The following ENTPD4 variants were observed in gnomAD, a reference collection of about 807,000 sequenced individuals.
ENTPD4 encodes the protein Golgi UDPase.
Under a neutral mutation model 79.1 loss-of-function variants are expected in ENTPD4, and 60 were observed. The ratio of observed to expected loss-of-function variants is 0.76; its 90% confidence interval spans 0.62 to 0.94. The LOEUF is 0.94. ENTPD4 is among the 40% of genes least tolerant of loss of function. The probability of loss-of-function intolerance (pLI) is 0.00; values close to 1 mark genes in which losing one functional copy is unlikely to be tolerated. For synonymous variants in ENTPD4, 276 were observed against 292.0 expected (o/e 0.95, Z 0.56); for missense variants, 772 against 775.1 (o/e 1.00, Z 0.05).
chr8:23,452,043 C>T (rs1009425306), intron 1 of ENTPD4, among the ~76,000 whole-genome samples: 80 of 152,242 alleles, frequency 5.3e-4, no homozygotes, highest in African/African-American at 1.9e-3. Context: ...TATCACAACA[C>T]TTTATGGATG....
intron 11 of ENTPD4, 53 bp from the exon 12 acceptor site, chr8:23,434,531 G>GCACA (rs139348326): frequency 3.1e-4 from 451 of 1,476,822 alleles, no homozygotes; most frequent in African/African-American, 2.2e-3. Flanking sequence ...TGTCAAGATG[G>GCACA]CACACACACA....
rs754872676 is a variant in ENTPD4, at chr8:23,441,565, T to C, written c.882+4A>G. On this transcript the variant is annotated splice_donor_region_variant and intron_variant, in intron 8 of 12. Transcript: ENST00000358689. ...AACAGAAGGAAATTTGTACAGATAATGACCTGCTGTGAGGACGCAAAGCTT... is the reference window on the plus strand; with the variant it reads ...AACAGAAGGAAATTTGTACAGATAACGACCTGCTGTGAGGACGCAAAGCTT... The C allele has an allele frequency of 2.5e-6, 4 of 1,613,382 alleles. No individual in the cohort carries two copies. Among genetic ancestry groups the C allele is most frequent in the Middle Eastern group, 1.6e-4 (1 of 6,082 alleles).
intron 10 of ENTPD4, among the ~76,000 whole-genome samples, chr8:23,436,136 G>C (rs555682597): frequency 1.3e-5 from 2 of 152,320 alleles, no homozygotes; most frequent in South Asian, 4.1e-4. Flanking sequence ...CAGGAACATG[G>C]ACATGGACAC....
intron 1 of ENTPD4, among the ~76,000 whole-genome samples, chr8:23,455,148 C>T (rs182827088): frequency 1.3e-5 from 2 of 152,116 alleles, no homozygotes; most frequent in East Asian, 3.8e-4. Context: ...CTACAGATAA[C>T]GACGAAAACA....
At position 23,430,371 on chromosome 8, in the gene ENTPD4, A is replaced by C; in HGVS notation, c.*2555T>G. ...TCCGAAGTGAAATTCTGGTGCAACA[A>C]ATATTTTAAGATTGAAGTTTGGTTA... On this transcript the variant is annotated 3_prime_UTR_variant, in exon 13 of 13. Coordinates refer to ENST00000358689, the MANE Select transcript of ENTPD4 (RefSeq NM_004901.5). 1 of 985,334 alleles carries C rather than the reference A, an allele frequency of 1.0e-6. No individual in the cohort carries two copies. Among genetic ancestry groups the C allele is most frequent in the Non-Finnish European group, 1.2e-6 (1 of 829,942 alleles). The allele number at this position is 985,334 out of a possible 1,614,324, so 61.0% of individuals were successfully genotyped here.
Position 23,432,725 on chromosome 8 carries a change from C to G in ENTPD4, c.*201G>C, listed in dbSNP as rs561009712. 36 of 1,201,628 alleles carry G rather than the reference C, an allele frequency of 3.0e-5. No individual in the cohort carries two copies. In the African/African-American group the frequency reaches 5.2e-4, roughly 17 times the overall value. 74.4% of individuals were successfully genotyped at this position (1,201,628 alleles called of 1,614,324 possible). A position where few individuals can be genotyped will look rare whatever the true frequency, so the allele number is the denominator to read the frequency against. ...GTGTTAGCCAGGATGGTCTCGATCT[C>G]CTGACCTCATGATCCGCCCGCCTCG... On this transcript the variant is annotated 3_prime_UTR_variant, in exon 13 of 13. Coordinates refer to ENST00000358689, the MANE Select transcript of ENTPD4 (RefSeq NM_004901.5).
chr8:23,432,983 G>T lies in ENTPD4; in HGVS notation c.1794C>A (p.Ala598=). Residue 598 remains alanine (A), a synonymous_variant, in exon 13 of 13, where the codon GCC becomes GCA. Transcript: ENST00000358689. ...GGCCCTCCTCCATCCAGAGGGCGGC[G>T]GCCGAGCTGCTCCGGGGAGTGCGCC... ...IHRRTPRSSS[A]AALWMEEGLP... 5 of 1,613,610 alleles carry T rather than the reference G, an allele frequency of 3.1e-6. No homozygotes were observed. Among genetic ancestry groups the T allele is most frequent in the Non-Finnish European group, 4.2e-6 (5 of 1,179,744 alleles).
chr8:23,435,504 C>T (rs754538170), intron 10 of ENTPD4, 27 bp from the exon 11 acceptor site: 4 of 1,536,068 alleles, frequency 2.6e-6, no homozygotes, highest in African/African-American at 1.4e-5. Flanking sequence ...CAAAATAGAT[C>T]ACTAGTAAAG....
rs1333617786 is a variant in ENTPD4, at chr8:23,433,147, G to A, written c.1630C>T (p.Gln544Ter). The change falls in exon 13 of 13, where the codon CAG (glutamine) becomes TAG (stop). Residue 544 changes from glutamine (Q) to a stop codon, truncating the protein, a stop_gained. Transcript: ENST00000358689. LOFTEE classifies it high-confidence loss of function. ...TGACTGGCTCGGAAGGCCTCCTGCT[G>A]GATGTCTCTGCCCATGTGAACACCA... Reference protein sequence around the residue: ...RTRFLPLRDIQQEAFRASHTH... With the variant: ...RTRFLPLRDI The A allele has an allele frequency of 6.2e-7, 1 of 1,614,016 alleles. No homozygotes were observed. The highest frequency in any genetic ancestry group is 1.1e-5 in the South Asian group (1 of 91,080).
At position 23,432,802 on chromosome 8, in the gene ENTPD4, TTTTG is replaced by T; in HGVS notation, c.*120_*123del. On this transcript the variant is annotated 3_prime_UTR_variant, in exon 13 of 13. Transcript: ENST00000358689. Reference sequence around the variant, plus strand: ...CGTGAGCCACCGCGCTCGGCCTGCATTTTGTTTTTGTTTGGAGGAACAAAAAAGG... The same window carrying T: ...CGTGAGCCACCGCGCTCGGCCTGCATTTTTTGTTTGGAGGAACAAAAAAGG... 4.2e-6 allele frequency: 6 copies of T among 1,442,754 alleles called. No individual in the cohort carries two copies. Among genetic ancestry groups the T allele is most frequent in the South Asian group, 1.5e-5 (1 of 67,022 alleles). 89.4% of individuals were successfully genotyped at this position (1,442,754 alleles called of 1,614,324 possible).
intron 10 of ENTPD4, among the ~76,000 whole-genome samples, chr8:23,436,721 G>A (rs1454058506): frequency 6.6e-6 from 1 of 152,182 alleles, no homozygotes; most frequent in Non-Finnish European, 1.5e-5. Flanking sequence ...GGTAGCTAAT[G>A]GAGTGGTGCA....
intron 12 of ENTPD4, among the ~76,000 whole-genome samples, chr8:23,433,526 C>G (rs1330145683): frequency 1.3e-5 from 2 of 150,674 alleles, no homozygotes; most frequent in Non-Finnish European, 2.9e-5. Flanking sequence ...GAGAAATGCT[C>G]AATTAAATGG....
At chr8:23,442,602 C>T (rs1159883623) in intron 6 of ENTPD4, among the ~76,000 whole-genome samples, 1 of 151,752 alleles carries the variant, frequency 6.6e-6, no homozygotes, top group African/African-American at 2.4e-5. Context: ...AGAATCACTT[C>T]AACCCGGGAG....
At chr8:23,449,845 T>C (rs1013606788) in intron 2 of ENTPD4, 48 bp downstream of exon 2, 3 of 1,512,296 alleles carry the variant, frequency 2.0e-6, no homozygotes, top group African/African-American at 1.4e-5. Flanking sequence ...GACCTGTTTT[T>C]GCATCACCAA....
At chr8:23,448,636 T>C in intron 3 of ENTPD4, 106 bp downstream of exon 3, 1 of 877,518 alleles carries the variant, frequency 1.1e-6, no homozygotes, top group Non-Finnish European at 1.8e-6. Context: ...CAAATTGCTG[T>C]TGTTTATAAG....
At position 23,434,406 on chromosome 8, in the gene ENTPD4, T is replaced by C; in HGVS notation, c.1533A>G (p.Lys511=). Residue 511 remains lysine (K), a synonymous_variant, in exon 12 of 13, where the codon AAA becomes AAG. Transcript: ENST00000358689. ...AAACTTGCAAGGCAGTCTTTAAGCTTTTATAGTTGACAGGAAACGAAAAGC... is the reference window on the plus strand; with the variant it reads ...AAACTTGCAAGGCAGTCTTTAAGCTCTTATAGTTGACAGGAAACGAAAAGC... The part of the protein sequence containing the change: ...HRGFSFPVNY[K]SLKTALQVYD... The C allele has an allele frequency of 2.5e-6, 4 of 1,614,134 alleles. No homozygotes were observed. Among genetic ancestry groups the C allele is most frequent in the Non-Finnish European group, 3.4e-6 (4 of 1,180,018 alleles).
intron 9 of ENTPD4, 123 bp from the exon 10 acceptor site, chr8:23,437,381 G>T (rs1203911898): frequency 4.4e-6 from 3 of 681,728 alleles, no homozygotes; most frequent in Non-Finnish European, 7.3e-6. Flanking sequence ...GACCGTGTCT[G>T]TGGAACAGAA....
At chr8:23,453,948 T>C (rs1319510837) in intron 1 of ENTPD4, among the ~76,000 whole-genome samples, 1 of 152,226 alleles carries the variant, frequency 6.6e-6, no homozygotes, top group East Asian at 1.9e-4. Flanking sequence ...GATCTATTTA[T>C]TGACATGAAA....
At chr8:23,447,362 C>A (rs995919904) in intron 4 of ENTPD4, among the ~76,000 whole-genome samples, 1 of 152,076 alleles carries the variant, frequency 6.6e-6, no homozygotes, top group Non-Finnish European at 1.5e-5. Flanking sequence ...AGGATAGAGA[C>A]CAATGGTTAC....
Sources: gnomAD v4.1 joint callset for allele counts (sites outside exome capture counted in the v4.1 genomes callset) on GRCh38, gnomAD v4.1.1 for gene constraint, MANE v1.5 for transcripts, NCBI Gene and HGNC (gene_info 2026-07-23, HGNC 2026-07-21) for gene names.